The following B3GALT9 variants were observed in gnomAD, a reference collection of about 807,000 sequenced individuals.
The protein encoded by B3GALT9 is beta-1,3-galactosyltransferase 9.
At chr9:120,795,380 A>C (rs2044932678) in intron 1 of B3GALT9, among the ~76,000 whole-genome samples, 1 of 152,232 alleles carries the variant, frequency 6.6e-6, no homozygotes, top group Non-Finnish European at 1.5e-5. Context: ...CTCTCATAAC[A>C]AAGAAACCAA....
rs1351419769 is a variant in B3GALT9 at position 120,800,715 on chromosome 9, T to A, written c.*1037T>A. Among the ~76,000 whole-genome samples the A allele has an allele frequency of 4.6e-5, 7 of 152,222 alleles. No individual in the cohort carries two copies. The highest frequency in any genetic ancestry group is 4.6e-4 in the Admixed American group (7 of 15,282). ...TAACACATGCATCACCTGACATACT[T>A]TTTTGTAGTGAGAACACTTAAAATC... On this transcript the variant is annotated 3_prime_UTR_variant, in exon 3 of 3. Transcript: ENST00000689072.
Position 120,800,814 on chromosome 9 carries a change from T to G in B3GALT9, c.*1136T>G, listed in dbSNP as rs1326397437. On this transcript the variant is annotated 3_prime_UTR_variant, in exon 3 of 3. Transcript: ENST00000689072. ...TGACCATGATGTATGATAGAGCTCTTGAACTTATTCCTCATGTCTAACAAA... is the reference window on the plus strand; with the variant it reads ...TGACCATGATGTATGATAGAGCTCTGGAACTTATTCCTCATGTCTAACAAA... Among the ~76,000 whole-genome samples, 1 of 152,362 alleles carries G rather than the reference T, an allele frequency of 6.6e-6. No homozygotes were observed. The highest frequency in any genetic ancestry group is 1.9e-4 in the East Asian group (1 of 5,190).
At position 120,801,102 on chromosome 9, in the gene B3GALT9, T is replaced by C. The variant is rs1417554079; in HGVS notation, c.*1424T>C. On this transcript the variant is annotated 3_prime_UTR_variant, in exon 3 of 3. Transcript: ENST00000689072. ...TATTGTGGATATATACCACATTTTCTTTATTCATGCACTGGTGGACACTTA... is the reference window on the plus strand; with the variant it reads ...TATTGTGGATATATACCACATTTTCCTTATTCATGCACTGGTGGACACTTA... Among the ~76,000 whole-genome samples, 1 of 152,270 alleles carries C rather than the reference T, an allele frequency of 6.6e-6. No homozygotes were observed. Among genetic ancestry groups the C allele is most frequent in the East Asian group, 1.9e-4 (1 of 5,204 alleles).
In B3GALT9 at chr9:120,793,631, G is replaced by A; in HGVS notation, c.-473G>A. 2.5e-6 allele frequency: 1 copy of A among 398,880 alleles called. No homozygotes were observed. The highest frequency in any genetic ancestry group is 4.4e-6 in the Non-Finnish European group (1 of 226,172). 24.7% of individuals were successfully genotyped at this position (398,880 alleles called of 1,614,324 possible). ...GGTTCCTTTCGTACCGTACATCCAG[G>A]TTTGCACAGCGCGCTTATGTCCCTC... On this transcript the variant is annotated 5_prime_UTR_variant, in exon 1 of 3. Transcript: ENST00000689072.
In B3GALT9 at chr9:120,798,078, G is replaced by A. The variant is rs368300609; in HGVS notation, c.7-497G>A. The stretch of plus-strand genomic sequence containing the variant: ...TATTTGATAGTAGCCAGGGTGTCAT[G>A]GCTAACAAAAGCAGCCACTTCATGG... On this transcript the variant is annotated intron_variant, in intron 2 of 2. Coordinates refer to ENST00000689072, the MANE Select transcript of B3GALT9 (RefSeq NM_001386823.1). Among the ~76,000 whole-genome samples the A allele has an allele frequency of 2.0e-5, 3 of 152,170 alleles. No homozygotes were observed. The East Asian group carries it at 5.8e-4, about 29-fold the overall frequency.
At position 120,799,392 on chromosome 9, in the gene B3GALT9, G is replaced by T. The variant is rs892358058; in HGVS notation, c.824G>T (p.Gly275Val). The change falls in exon 3 of 3, where the codon GGA (glycine) becomes GTA (valine). Residue 275 changes from glycine (G) to valine (V), a missense_variant. By Grantham distance (109) the Gly-to-Val change is moderately radical. Coordinates refer to ENST00000689072, the MANE Select transcript of B3GALT9 (RefSeq NM_001386823.1). ...PMMVPADVFV[G>V]ICAKFIGLIP... ...ATGGTGCCAGCTGATGTGTTTGTAG[G>T]AATTTGTGCTAAGTTCATTGGCCTT... 2 of 399,122 alleles carry T rather than the reference G, an allele frequency of 5.0e-6. No homozygotes were observed. Among genetic ancestry groups the T allele is most frequent in the African/African-American group, 4.1e-5 (2 of 48,608 alleles). The allele number at this position is 399,122 out of a possible 1,614,324, so 24.7% of individuals were successfully genotyped here. A position where few individuals can be genotyped will look rare whatever the true frequency, so the allele number is the denominator to read the frequency against.
In B3GALT9 at chr9:120,795,164, C is replaced by G. The variant is rs971340703; in HGVS notation, c.-182+1242C>G. ...GTCACTCTAGACTTCTAAGTCAGAACGTGACTGATCACAGCATTATAAGAC... is the reference window on the plus strand; with the variant it reads ...GTCACTCTAGACTTCTAAGTCAGAAGGTGACTGATCACAGCATTATAAGAC... On this transcript the variant is annotated intron_variant, in intron 1 of 2. Transcript: ENST00000689072. 2.0e-5 allele frequency among the ~76,000 whole-genome samples: 3 copies of G among 152,140 alleles called. No homozygotes were observed. The South Asian group carries it at 6.2e-4, about 32-fold the overall frequency.
intron 2 of B3GALT9, among the ~76,000 whole-genome samples, chr9:120,797,271 C>T (rs576664766): frequency 2.0e-4 from 31 of 152,074 alleles, no homozygotes; most frequent in African/African-American, 7.2e-4. Flanking sequence ...TTTGGAAGGC[C>T]GAGGCAGGTG....
chr9:120,800,884 C>T lies in B3GALT9; in HGVS notation c.*1206C>T, dbSNP rs1398039966. Among the ~76,000 whole-genome samples, 2 of 152,218 alleles carry T rather than the reference C, an allele frequency of 1.3e-5. No individual in the cohort carries two copies. Among genetic ancestry groups the T allele is most frequent in the Non-Finnish European group, 2.9e-5 (2 of 68,036 alleles). On this transcript the variant is annotated 3_prime_UTR_variant, in exon 3 of 3. Transcript: ENST00000689072. ...ATATCTGCCAAGTTTTCCCAACCCC[C>T]AGTCTCTGGTAACCTCCATTTACTC... is the stretch of plus-strand genomic sequence containing the variant.
At position 120,799,725 on chromosome 9, in the gene B3GALT9, C is replaced by T. The variant is rs893246420; in HGVS notation, c.*47C>T. The T allele has an allele frequency of 7.5e-6, 3 of 398,074 alleles. No homozygotes were observed. The highest frequency in any genetic ancestry group is 2.1e-5 in the African/African-American group (1 of 48,596). The allele number at this position is 398,074 out of a possible 1,614,324, so 24.7% of individuals were successfully genotyped here. Reference sequence around the variant, plus strand: ...GAGTCTACTATTTTAAAGTTACCTTCTACCCTGTTATGGAAAGCATCCCTT... The same window carrying T: ...GAGTCTACTATTTTAAAGTTACCTTTTACCCTGTTATGGAAAGCATCCCTT... On this transcript the variant is annotated 3_prime_UTR_variant, in exon 3 of 3. Coordinates refer to ENST00000689072, the MANE Select transcript of B3GALT9 (RefSeq NM_001386823.1).
Position 120,794,224 on chromosome 9 carries a change from G to A in B3GALT9, c.-182+302G>A, listed in dbSNP as rs2131400954. Among the ~76,000 whole-genome samples the A allele has an allele frequency of 2.0e-5, 3 of 152,250 alleles. No individual in the cohort carries two copies. The South Asian group carries it at 6.2e-4, about 32-fold the overall frequency. On this transcript the variant is annotated intron_variant, in intron 1 of 2. Transcript: ENST00000689072. Reference sequence around the variant, plus strand: ...CCCACAAGCTAGTAACTATTATTAGGCCCCTTTTTAGAGATGGGGAAACTG... The same window carrying A: ...CCCACAAGCTAGTAACTATTATTAGACCCCTTTTTAGAGATGGGGAAACTG...
chr9:120,797,845 T>C (rs1382898991), intron 2 of B3GALT9, among the ~76,000 whole-genome samples: 1 of 152,220 alleles, frequency 6.6e-6, no homozygotes, highest in African/African-American at 2.4e-5. Flanking sequence ...ATTCTGCACA[T>C]GCCCTTTCAG....
chr9:120,799,186 T>G lies in B3GALT9; in HGVS notation c.618T>G (p.Asp206Glu). Reference sequence around the variant, plus strand: ...TCAATCTGAAAGAACACCTAGAAGATATCTATGTAGGAAGAGTTCTTCATC... The same window carrying G: ...TCAATCTGAAAGAACACCTAGAAGAGATCTATGTAGGAAGAGTTCTTCATC... ...YLLNLKEHLEDIYVGRVLHQV... is the reference protein window; with the variant it reads ...YLLNLKEHLEEIYVGRVLHQV... The change falls in exon 3 of 3, where the codon GAT (aspartate) becomes GAG (glutamate). Residue 206 changes from aspartate to glutamate, a missense_variant. Transcript: ENST00000689072. The G allele has an allele frequency of 2.5e-6, 1 of 399,036 alleles. No homozygotes were observed. The highest frequency in any genetic ancestry group is 4.4e-6 in the Non-Finnish European group (1 of 226,082). 24.7% of individuals were successfully genotyped at this position (399,036 alleles called of 1,614,324 possible).
Position 120,798,866 on chromosome 9 carries a change from C to T in B3GALT9, c.298C>T (p.Arg100Trp), listed in dbSNP as rs749387117. The stretch of plus-strand genomic sequence containing the variant: ...CAGTAGCCCAGGAAATGGAACAAGA[C>T]GGGACCTCATTAGGAAAACTTGGGG... Reference protein sequence around the residue: ...IFSSPGNGTRRDLIRKTWGNV... With the variant: ...IFSSPGNGTRWDLIRKTWGNV... Residue 100 changes from arginine (R) to tryptophan (W), a missense_variant, in exon 3 of 3, where the codon CGG becomes TGG. Coordinates refer to ENST00000689072, the MANE Select transcript of B3GALT9 (RefSeq NM_001386823.1). 5.8e-5 allele frequency: 23 copies of T among 398,986 alleles called. No homozygotes were observed. Among genetic ancestry groups the T allele is most frequent in the Non-Finnish European group, 8.4e-5 (19 of 226,102 alleles). 24.7% of individuals were successfully genotyped at this position (398,986 alleles called of 1,614,324 possible).
Position 120,798,893 on chromosome 9 carries a change from A to G in B3GALT9, c.325A>G (p.Asn109Asp). The change falls in exon 3 of 3, where the codon AAT becomes GAT. Residue 109 changes from asparagine (N) to aspartate (D), a missense_variant. By Grantham distance (23) the Asn-to-Asp change is conservative (BLOSUM62 1). Coordinates refer to ENST00000689072, the MANE Select transcript of B3GALT9 (RefSeq NM_001386823.1). ...RRDLIRKTWGNVTSVQGHPIL... is the reference protein window; with the variant it reads ...RRDLIRKTWGDVTSVQGHPIL... ...GGACCTCATTAGGAAAACTTGGGGC[A>G]ATGTGACCAGTGTCCAAGGGCATCC... The G allele has an allele frequency of 2.5e-6, 1 of 399,136 alleles. No homozygotes were observed. Among genetic ancestry groups the G allele is most frequent in the Non-Finnish European group, 4.4e-6 (1 of 226,090 alleles). 24.7% of individuals were successfully genotyped at this position (399,136 alleles called of 1,614,324 possible).
In B3GALT9 at chr9:120,801,398, C is replaced by A. The variant is rs1367835798; in HGVS notation, c.*1720C>A. ...TTCATATACCTGTTGGCCATTTGTA[C>A]TTCTTCTTTTGAGAAATGTCTATTT... is the stretch of plus-strand genomic sequence containing the variant. On this transcript the variant is annotated 3_prime_UTR_variant, in exon 3 of 3. Transcript: ENST00000689072. Among the ~76,000 whole-genome samples the A allele has an allele frequency of 6.6e-6, 1 of 151,974 alleles. No individual in the cohort carries two copies. The highest frequency in any genetic ancestry group is 1.5e-5 in the Non-Finnish European group (1 of 68,002).
At chr9:120,796,184 A>G (rs1052461669) in intron 1 of B3GALT9, among the ~76,000 whole-genome samples, 4 of 152,122 alleles carry the variant, frequency 2.6e-5, no homozygotes, top group Non-Finnish European at 1.5e-5. Flanking sequence ...GTTTCTTGAG[A>G]TGCACTCCAA....
chr9:120,797,105 G>A (rs1309427306), intron 2 of B3GALT9, among the ~76,000 whole-genome samples: 1 of 133,670 alleles, frequency 7.5e-6, no homozygotes, highest in Middle Eastern at 3.5e-3. Context: ...GGGAGGGAGG[G>A]AGGGGGAGAC....
At chr9:120,798,226 C>T (rs1044703396) in intron 2 of B3GALT9, among the ~76,000 whole-genome samples, 1 of 152,192 alleles carries the variant, frequency 6.6e-6, no homozygotes, top group African/African-American at 2.4e-5. Flanking sequence ...TAAGTTATAT[C>T]CATGTGTCTG....
Sources: gnomAD v4.1 joint callset for allele counts (sites outside exome capture counted in the v4.1 genomes callset) on GRCh38, gnomAD v4.1.1 for gene constraint, MANE v1.5 for transcripts, NCBI Gene and HGNC (gene_info 2026-07-23, HGNC 2026-07-21) for gene names.